The following CSMD1 variants were observed in gnomAD, a reference collection of about 807,000 sequenced individuals.
The protein encoded by CSMD1 is CUB and sushi domain-containing protein 1.
A neutral mutation model predicts 417.5 loss-of-function variants in CSMD1; 213 were observed. The ratio of observed to expected loss-of-function variants is 0.51; its 90% CI spans 0.46 to 0.57. The LOEUF is 0.57. Among genes scored for constraint, CSMD1 ranks in the 20% least tolerant of loss-of-function variants. The pLI is 0.00. For missense variants in CSMD1, 6,923 were observed against 4,529.7 expected, an observed-to-expected ratio of 1.53 and a Z score of -15.17; for synonymous variants, 2,862 against 1,736.8, an observed-to-expected ratio of 1.65 and a Z score of -16.11.
At chr8:4,846,454 GCTCT>G (rs759791035) in intron 1 of CSMD1, among the ~76,000 whole-genome samples, 110 of 152,304 alleles carry the variant, frequency 7.2e-4, no homozygotes, top group Non-Finnish European at 1.2e-3. Context: ...TGGCAGCACG[GCTCT>G]CTGTCTTGGT....
intron 69 of CSMD1, among the ~76,000 whole-genome samples, chr8:2,940,890 A>G (rs898629158): frequency 1.3e-5 from 2 of 152,234 alleles, no homozygotes; most frequent in Non-Finnish European, 2.9e-5. Context: ...AAGTTCCTAC[A>G]TATGTGTCTC....
intron 3 of CSMD1, among the ~76,000 whole-genome samples, chr8:4,290,220 T>C (rs758999868): frequency 2.6e-5 from 4 of 151,742 alleles, no homozygotes; most frequent in African/African-American, 4.9e-5. Context: ...CTTGTATGTG[T>C]GTCTGCAAAA....
chr8:4,203,624 G>A (rs942314336), intron 3 of CSMD1, among the ~76,000 whole-genome samples: 2 of 152,092 alleles, frequency 1.3e-5, no homozygotes, highest in African/African-American at 2.4e-5. Flanking sequence ...AAATATGTAT[G>A]GCTGGGGGTG....
At chr8:4,630,965 A>C (rs115681762) in intron 2 of CSMD1, among the ~76,000 whole-genome samples, 308 of 152,238 alleles carry the variant, frequency 2.0e-3, no homozygotes, top group African/African-American at 7.3e-3. Context: ...AAGTCAAAAC[A>C]TGTGTGGTGT....
chr8:3,524,511 G>T (rs932236537), intron 10 of CSMD1, among the ~76,000 whole-genome samples: 1 of 123,570 alleles, frequency 8.1e-6, no homozygotes, highest in Non-Finnish European at 1.7e-5. Flanking sequence ...ATGCACAGAT[G>T]CACACATGCA....
chr8:3,206,213 GGTGTGTGTGTCTGT>G (rs1007660884), intron 30 of CSMD1, among the ~76,000 whole-genome samples: 16 of 142,472 alleles, frequency 1.1e-4, no homozygotes, highest in African/African-American at 3.9e-4. Context: ...AATATAGAGA[GGTGTGTGTGTCTGT>G]GTGTGTGTGT....
At chr8:4,110,899 A>G (rs1017007904) in intron 3 of CSMD1, among the ~76,000 whole-genome samples, 1 of 152,146 alleles carries the variant, frequency 6.6e-6, no homozygotes, top group South Asian at 2.1e-4. Flanking sequence ...ATGTCAAAAG[A>G]CATAAAGTGA....
At chr8:2,959,420 G>A (rs541972865) in intron 62 of CSMD1, among the ~76,000 whole-genome samples, 3 of 152,256 alleles carry the variant, frequency 2.0e-5, no homozygotes, top group Admixed American at 6.5e-5. Context: ...TATCAGGAAC[G>A]GTGTCCATCA....
At chr8:3,374,573 G>A (rs938745446) in intron 18 of CSMD1, among the ~76,000 whole-genome samples, 1 of 152,188 alleles carries the variant, frequency 6.6e-6, no homozygotes, top group Admixed American at 6.5e-5. Flanking sequence ...GGACATGCTG[G>A]TGAATCAACA....
intron 3 of CSMD1, among the ~76,000 whole-genome samples, chr8:4,135,053 C>G (rs552535257): frequency 6.6e-6 from 1 of 152,080 alleles, no homozygotes; most frequent in Non-Finnish European, 1.5e-5. Context: ...TTCTTAAACT[C>G]TTAGCACAGT....
intron 3 of CSMD1, among the ~76,000 whole-genome samples, chr8:4,222,323 T>C (rs534715019): frequency 4.8e-4 from 73 of 152,196 alleles, no homozygotes; most frequent in African/African-American, 1.7e-3. Flanking sequence ...ACTTGGGGGA[T>C]ACAGTAGGTA....
At chr8:4,568,909 T>C (rs909029527) in intron 2 of CSMD1, among the ~76,000 whole-genome samples, 1 of 152,212 alleles carries the variant, frequency 6.6e-6, no homozygotes, top group Non-Finnish European at 1.5e-5. Flanking sequence ...TTTGGCAGCA[T>C]AAATGTCTTC....
At chr8:4,548,461 T>A (rs1797727440) in intron 2 of CSMD1, among the ~76,000 whole-genome samples, 1 of 152,186 alleles carries the variant, frequency 6.6e-6, no homozygotes, top group Non-Finnish European at 1.5e-5. Context: ...GAAATCAATG[T>A]AATTGCATTC....
intron 49 of CSMD1, among the ~76,000 whole-genome samples, chr8:3,065,310 G>C (rs540768228): frequency 1.3e-5 from 2 of 149,662 alleles, no homozygotes; most frequent in Admixed American, 1.3e-4. Context: ...TAGGTAGATA[G>C]ATAGATAGAC....
intron 1 of CSMD1, among the ~76,000 whole-genome samples, chr8:4,930,827 C>A (rs1223329680): frequency 6.6e-6 from 1 of 152,110 alleles, no homozygotes; most frequent in Non-Finnish European, 1.5e-5. Flanking sequence ...GATGTGTGAC[C>A]ATTGTAAATA....
chr8:3,430,677 G>A (rs1875072), intron 12 of CSMD1, among the ~76,000 whole-genome samples: 1 of 151,996 alleles, frequency 6.6e-6, no homozygotes, highest in African/African-American at 2.4e-5. Context: ...TGTGATGGCA[G>A]GTGCCTGTAA....
At chr8:4,514,681 G>C (rs1803019877) in intron 2 of CSMD1, among the ~76,000 whole-genome samples, 1 of 152,112 alleles carries the variant, frequency 6.6e-6, no homozygotes, top group South Asian at 2.1e-4. Flanking sequence ...TACATAAATA[G>C]AGTACCTGGT....
intron 10 of CSMD1, among the ~76,000 whole-genome samples, chr8:3,537,955 A>C (rs1798272695): frequency 6.6e-6 from 1 of 152,112 alleles, no homozygotes. Flanking sequence ...TTGTTTATTC[A>C]CTCAGGGTAT....
intron 5 of CSMD1, among the ~76,000 whole-genome samples, chr8:3,778,202 C>T (rs529793067): frequency 1.8e-3 from 275 of 152,264 alleles, no homozygotes; most frequent in South Asian, 5.4e-3. Context: ...GGGATCCTGG[C>T]CGTTTGTCCT....
Sources: gnomAD v4.1 joint callset for allele counts (sites outside exome capture counted in the v4.1 genomes callset) on GRCh38, gnomAD v4.1.1 for gene constraint, MANE v1.5 for transcripts, NCBI Gene and HGNC (gene_info 2026-07-23, HGNC 2026-07-21) for gene names.